CLEC16A: variants seen among roughly 807,000 people sequenced by gnomAD.
CLEC16A encodes protein CLEC16A.
CLEC16A carries 51 observed loss-of-function variants against 109.5 expected under a neutral mutation model. That is an observed-to-expected ratio of 0.47 (90% CI 0.37 to 0.59). The LOEUF is 0.59. CLEC16A is among the 20% of genes least tolerant of loss of function. CLEC16A has a pLI of 0.00. For synonymous variants in CLEC16A, 673 were observed against 564.2 expected (o/e 1.19, Z -2.73); for missense variants, 1,339 against 1,394.0 (o/e 0.96, Z 0.63).
intron 12 of CLEC16A, among the ~76,000 whole-genome samples, chr16:11,023,018 A>ACTTTTTGC (rs2046207567): frequency 6.6e-6 from 1 of 150,620 alleles, no homozygotes; most frequent in African/African-American, 2.4e-5. Context: ...CAAAATCTTA[A>ACTTTTTGC]AAAGCATAAA....
intron 12 of CLEC16A, among the ~76,000 whole-genome samples, chr16:11,020,803 C>G (rs1445395546): frequency 6.6e-6 from 1 of 152,220 alleles, no homozygotes; most frequent in East Asian, 1.9e-4. Context: ...TGACTTTTTG[C>G]CTGATTGTTC....
chr16:10,991,101 A>C (rs2043979207), intron 10 of CLEC16A, among the ~76,000 whole-genome samples: 2 of 152,210 alleles, frequency 1.3e-5, no homozygotes, highest in African/African-American at 4.8e-5. Context: ...AGAGAGACAG[A>C]GGAACAATAA....
At chr16:10,953,120 A>G (rs987729455) in intron 1 of CLEC16A, among the ~76,000 whole-genome samples, 1 of 152,272 alleles carries the variant, frequency 6.6e-6, no homozygotes, top group Non-Finnish European at 1.5e-5. Flanking sequence ...CTTAATTACT[A>G]TATGGCAAGA....
chr16:11,172,065 G>A (rs960456476), intron 23 of CLEC16A, among the ~76,000 whole-genome samples: 3 of 151,152 alleles, frequency 2.0e-5, no homozygotes, highest in Non-Finnish European at 4.4e-5. Flanking sequence ...CATGCACACA[G>A]TCACACACAT....
chr16:11,142,280 A>G (rs1204540601), intron 22 of CLEC16A, among the ~76,000 whole-genome samples: 1 of 152,196 alleles, frequency 6.6e-6, no homozygotes, highest in Non-Finnish European at 1.5e-5. Context: ...GAACCTGACA[A>G]AATTCTTGGC....
intron 17 of CLEC16A, among the ~76,000 whole-genome samples, chr16:11,049,478 TTTTGTTTG>T (rs59518471): frequency 1.5e-4 from 22 of 150,928 alleles, no homozygotes; most frequent in South Asian, 4.2e-4. Flanking sequence ...TCCCAGGTTT[TTTTGTTTG>T]TTTGTTTGTT....
At chr16:11,012,974 A>C (rs1047038123) in intron 11 of CLEC16A, among the ~76,000 whole-genome samples, 3 of 152,140 alleles carry the variant, frequency 2.0e-5, no homozygotes, top group South Asian at 2.1e-4. Context: ...GTGGGAGCCA[A>C]CTCTGGACAG....
intron 19 of CLEC16A, among the ~76,000 whole-genome samples, chr16:11,108,473 C>T (rs1193146854): frequency 6.6e-6 from 1 of 152,238 alleles, no homozygotes; most frequent in East Asian, 1.9e-4. Flanking sequence ...TGTCTCCTTG[C>T]CAGAACCAGC....
chr16:11,181,629 C>G lies in CLEC16A; in HGVS notation c.*2939C>G, dbSNP rs1332117136. On this transcript the variant is annotated 3_prime_UTR_variant, in exon 24 of 24. Transcript: ENST00000409790. ...AGATGGGGCCAGCTGAGGCGCTCCC[C>G]CAGGCAGGAAGGGCCAGCCTTCACC... 2 of 152,352 alleles carry G rather than the reference C, an allele frequency of 1.3e-5. No homozygotes were observed. Among genetic ancestry groups the G allele is most frequent in the Non-Finnish European group, 2.9e-5 (2 of 68,108 alleles). 9.4% of individuals were successfully genotyped at this position (152,352 alleles called of 1,614,324 possible).
chr16:11,033,494 A>G (rs1272990083), intron 13 of CLEC16A, among the ~76,000 whole-genome samples: 1 of 152,138 alleles, frequency 6.6e-6, no homozygotes, highest in Non-Finnish European at 1.5e-5. Flanking sequence ...CACCTGGTTT[A>G]TGCTCAGTCC....
chr16:11,015,910 C>A (rs562726829), intron 11 of CLEC16A, among the ~76,000 whole-genome samples: 96 of 152,194 alleles, frequency 6.3e-4, no homozygotes, highest in Non-Finnish European at 7.2e-4. Flanking sequence ...ACGTCCTCTG[C>A]CTCATGGGGC....
intron 19 of CLEC16A, among the ~76,000 whole-genome samples, chr16:11,115,795 G>C (rs1482482332): frequency 1.3e-5 from 2 of 152,012 alleles, no homozygotes; most frequent in Admixed American, 1.3e-4. Context: ...GAATCATCCA[G>C]TATGGAACTA....
At chr16:11,088,173 G>A (rs2050113858) in intron 19 of CLEC16A, among the ~76,000 whole-genome samples, 3 of 152,238 alleles carry the variant, frequency 2.0e-5, no homozygotes, top group Admixed American at 6.5e-5. Context: ...GCTTGACTGG[G>A]CCCTTGCTGA....
At chr16:11,070,369 C>CTT (rs770922338) in intron 19 of CLEC16A, among the ~76,000 whole-genome samples, 57 of 142,588 alleles carry the variant, frequency 4.0e-4, no homozygotes, top group African/African-American at 1.3e-3. Flanking sequence ...TGCACCCGGC[C>CTT]TTTTTTTTTT....
intron 22 of CLEC16A, among the ~76,000 whole-genome samples, chr16:11,160,095 T>C (rs530963736): frequency 7.6e-4 from 115 of 152,246 alleles, no homozygotes; most frequent in Middle Eastern, 3.4e-3. Flanking sequence ...TCTCAGGTAG[T>C]TTTCACATCT....
chr16:10,983,296 G>A (rs2043432398), intron 10 of CLEC16A, among the ~76,000 whole-genome samples: 2 of 152,214 alleles, frequency 1.3e-5, no homozygotes, highest in African/African-American at 4.8e-5. Flanking sequence ...CCTTATCAGA[G>A]GAACTAATGT....
chr16:11,167,313 C>T (rs1219175207), intron 23 of CLEC16A, among the ~76,000 whole-genome samples: 1 of 152,174 alleles, frequency 6.6e-6, no homozygotes, highest in African/African-American at 2.4e-5. Context: ...ATCCCCCCGC[C>T]ATGGGTCGGG....
At chr16:11,134,954 A>G (rs1389683817) in intron 22 of CLEC16A, among the ~76,000 whole-genome samples, 1 of 152,246 alleles carries the variant, frequency 6.6e-6, no homozygotes, top group Non-Finnish European at 1.5e-5. Flanking sequence ...CAGTGTTTCA[A>G]GGACAAACCT....
At chr16:10,972,909 C>CTT in intron 6 of CLEC16A, 29 bp from the exon 7 acceptor site, 1 of 1,521,098 alleles carries the variant, frequency 6.6e-7, no homozygotes, top group Non-Finnish European at 8.8e-7. Flanking sequence ...GGTAGCTTGA[C>CTT]TTTTTTTTTC....
Sources: gnomAD v4.1 joint callset for allele counts (sites outside exome capture counted in the v4.1 genomes callset) on GRCh38, gnomAD v4.1.1 for gene constraint, MANE v1.5 for transcripts, NCBI Gene and HGNC (gene_info 2026-07-23, HGNC 2026-07-21) for gene names.